Variants in EYS observed in about 807,000 individuals in gnomAD.
The protein encoded by EYS is protein eyes shut homolog.
In EYS, 250 loss-of-function variants were observed where a neutral mutation model predicts 282.1. That is an observed-to-expected ratio of 0.89 (90% CI 0.80 to 0.98). The LOEUF (loss-of-function observed/expected upper bound fraction) is 0.98, where lower values mean the gene tolerates loss of function less well. Ranked by LOEUF, EYS falls within the 50% of genes least tolerant of loss-of-function variation. The pLI, the probability that EYS is intolerant of heterozygous loss-of-function variation, is 0.00. For synonymous variants in EYS, 1,355 were observed against 1,282.9 expected (o/e 1.06, Z -1.20); for missense variants, 4,016 against 3,709.0 (o/e 1.08, Z -2.15).
intron 8 of EYS, among the ~76,000 whole-genome samples, chr6:65,361,794 T>A (rs189662696): frequency 6.6e-6 from 1 of 152,272 alleles, no homozygotes; most frequent in African/African-American, 2.4e-5. Context: ...AAGTAATTTC[T>A]TAGACTACAG....
chr6:65,581,646 T>C (rs558553775), intron 2 of EYS, among the ~76,000 whole-genome samples: 1 of 152,264 alleles, frequency 6.6e-6, no homozygotes, highest in Admixed American at 6.5e-5. Context: ...GTGATGCTCT[T>C]ATTAACCAAA....
intron 22 of EYS, among the ~76,000 whole-genome samples, chr6:64,740,679 TA>T (rs1772338743): frequency 1.3e-5 from 2 of 151,660 alleles, no homozygotes; most frequent in South Asian, 4.2e-4. Context: ...AACATCCAGC[TA>T]AAATTCCAGA....
rs1026298306 is a variant in EYS at position 64,308,033 on chromosome 6, C to A, written c.6079-951G>T. On this transcript the variant is annotated intron_variant, in intron 29 of 42. Coordinates refer to ENST00000503581, the MANE Select transcript of EYS (RefSeq NM_001142800.2). ...AAAATAGAAGAAAAGCTAATACACT[C>A]ATCCTTCCCATCAAGGCACTACATT... Among the ~76,000 whole-genome samples the A allele has an allele frequency of 3.9e-5, 6 of 151,990 alleles. No homozygotes were observed. In the East Asian group the frequency reaches 1.2e-3, roughly 29 times the overall value.
intron 35 of EYS, among the ~76,000 whole-genome samples, chr6:63,934,834 G>A (rs1384088583): frequency 6.6e-6 from 1 of 151,632 alleles, no homozygotes; most frequent in Non-Finnish European, 1.5e-5. Context: ...CACCAACATG[G>A]CACATGTATA....
At chr6:64,564,268 CTTTTTTTTTTT>C (rs4034161) in intron 26 of EYS, among the ~76,000 whole-genome samples, 16 of 59,374 alleles carry the variant, frequency 2.7e-4, no homozygotes, top group African/African-American at 9.3e-4. Context: ...ATCTTTTGTC[CTTTTTTTTTTT>C]TTTTTTTTTT....
At chr6:64,856,346 G>A (rs1273186660) in intron 19 of EYS, among the ~76,000 whole-genome samples, 1 of 152,078 alleles carries the variant, frequency 6.6e-6, no homozygotes, top group Non-Finnish European at 1.5e-5. Flanking sequence ...CATCACCCAG[G>A]ATGGAGTTCA....
At chr6:65,139,999 A>C (rs769571084) in intron 12 of EYS, among the ~76,000 whole-genome samples, 13 of 152,172 alleles carry the variant, frequency 8.5e-5, no homozygotes, top group South Asian at 6.2e-4. Context: ...TCCAGGATAG[A>C]AAACTTATGT....
chr6:63,733,563 A>G (rs1011260966), intron 41 of EYS, among the ~76,000 whole-genome samples: 7 of 152,016 alleles, frequency 4.6e-5, no homozygotes, highest in Non-Finnish European at 8.8e-5. Flanking sequence ...TCCTGTATTA[A>G]TTTGCTTACG....
At chr6:65,093,635 A>G (rs1398891631) in intron 12 of EYS, among the ~76,000 whole-genome samples, 1 of 151,908 alleles carries the variant, frequency 6.6e-6, no homozygotes, top group African/African-American at 2.4e-5. Context: ...CCCTAAATAT[A>G]CACAAATAAA....
intron 2 of EYS, among the ~76,000 whole-genome samples, chr6:65,514,047 G>A (rs1252008178): frequency 6.6e-6 from 1 of 151,970 alleles, no homozygotes; most frequent in Non-Finnish European, 1.5e-5. Flanking sequence ...AAACCCCATT[G>A]TCTCAGCCCA....
intron 30 of EYS, among the ~76,000 whole-genome samples, chr6:64,260,957 A>G (rs1767567181): frequency 6.6e-6 from 1 of 151,706 alleles, no homozygotes; most frequent in South Asian, 2.1e-4. Flanking sequence ...ATACAAGTAT[A>G]CAATGCGTAA....
intron 41 of EYS, among the ~76,000 whole-genome samples, chr6:63,758,723 C>T (rs1011810276): frequency 6.6e-6 from 1 of 152,016 alleles, no homozygotes; most frequent in Non-Finnish European, 1.5e-5. Flanking sequence ...GTGGAGGAAA[C>T]GAAATAATGA....
At chr6:64,264,514 G>C (rs542870624) in intron 30 of EYS, among the ~76,000 whole-genome samples, 1 of 152,150 alleles carries the variant, frequency 6.6e-6, no homozygotes, top group South Asian at 2.1e-4. Flanking sequence ...CTTGAGATTC[G>C]AGCTTGGAAG....
intron 33 of EYS, among the ~76,000 whole-genome samples, chr6:64,025,179 A>G (rs1412672900): frequency 1.3e-5 from 2 of 152,172 alleles, no homozygotes; most frequent in Admixed American, 1.3e-4. Flanking sequence ...GACTAAAGAC[A>G]CGGGTGCCAG....
intron 36 of EYS, among the ~76,000 whole-genome samples, chr6:63,847,869 T>C (rs746225383): frequency 3.3e-5 from 5 of 152,232 alleles, no homozygotes; most frequent in Non-Finnish European, 7.3e-5. Flanking sequence ...TTGTCAAATG[T>C]TGAATACTTT....
intron 26 of EYS, among the ~76,000 whole-genome samples, chr6:64,509,654 A>C (rs931360111): frequency 6.6e-6 from 1 of 152,164 alleles, no homozygotes. Context: ...GTAGTGAAAG[A>C]GTATTTTTCT....
At chr6:64,689,360 T>C (rs917565407) in intron 22 of EYS, among the ~76,000 whole-genome samples, 4 of 152,060 alleles carry the variant, frequency 2.6e-5, no homozygotes, top group African/African-American at 4.8e-5. Context: ...TGCTCTCAGA[T>C]AGGAAGAATC....
chr6:64,677,468 C>T lies in EYS; in HGVS notation c.3444-51223G>A, dbSNP rs182336511. Among the ~76,000 whole-genome samples, 149 of 152,228 alleles carry T rather than the reference C, an allele frequency of 9.8e-4. 1 individual carries two copies. Among genetic ancestry groups the T allele is most frequent in the African/African-American group, 3.1e-3 (129 of 41,534 alleles). ...CAAATTAAATCATGTTAGCCACTTT[C>T]GGTAAGCATCTTTCATGAGCTTTTC... On this transcript the variant is annotated intron_variant, in intron 22 of 42. Coordinates refer to ENST00000503581, the MANE Select transcript of EYS (RefSeq NM_001142800.2).
intron 36 of EYS, among the ~76,000 whole-genome samples, chr6:63,810,974 C>T (rs1211363621): frequency 1.3e-5 from 2 of 152,202 alleles, no homozygotes; most frequent in East Asian, 1.9e-4. Context: ...TTTGCCTTCC[C>T]TCTGCTGACA....
Sources: allele counts gnomAD v4.1 joint callset (sites outside exome capture counted in the v4.1 genomes callset), GRCh38; gene constraint gnomAD v4.1.1; transcripts MANE v1.5; gene names NCBI Gene and HGNC (gene_info 2026-07-23, HGNC 2026-07-21).